Variants in ENTREP2 observed in about 807,000 individuals in gnomAD.
The protein encoded by ENTREP2 is endosomal transmembrane epsin interactor 2.
chr15:29,226,356 A>G, the ENTREP2 span, among the ~76,000 whole-genome samples: 2 of 152,340 alleles, frequency 1.3e-5, no homozygotes, highest in African/African-American at 2.4e-5. Context: ...CTCTTTATCT[A>G]TAATAATAGC....
At chr15:29,400,187 A>T in the ENTREP2 span, among the ~76,000 whole-genome samples, 1 of 152,196 alleles carries the variant, frequency 6.6e-6, no homozygotes, top group Non-Finnish European at 1.5e-5. Context: ...CAACGTTACA[A>T]TGATGGGCAG....
the ENTREP2 span, among the ~76,000 whole-genome samples, chr15:29,428,609 T>C: frequency 6.6e-6 from 1 of 152,168 alleles, no homozygotes; most frequent in Non-Finnish European, 1.5e-5. Flanking sequence ...AATACATTAT[T>C]AGGAAACAGA....
the ENTREP2 span, among the ~76,000 whole-genome samples, chr15:29,225,852 G>A: frequency 1.3e-5 from 2 of 152,138 alleles, no homozygotes; most frequent in Non-Finnish European, 1.5e-5. Context: ...TTTAGGCCTC[G>A]GCTTGCAGGC....
the ENTREP2 span, among the ~76,000 whole-genome samples, chr15:29,503,500 G>A: frequency 0.011 from 1,721 of 151,438 alleles, 30 homozygotes; most frequent in African/African-American, 0.04. Context: ...GAAATGTTCC[G>A]GAATTACGTC....
At chr15:29,201,194 CATAG>C in the ENTREP2 span, among the ~76,000 whole-genome samples, 3 of 152,292 alleles carry the variant, frequency 2.0e-5, no homozygotes, top group African/African-American at 7.2e-5. Flanking sequence ...GGATTTTCTA[CATAG>C]ATACTCATGT....
the ENTREP2 span, among the ~76,000 whole-genome samples, chr15:29,493,648 A>G: frequency 6.6e-6 from 1 of 151,248 alleles, no homozygotes; most frequent in Non-Finnish European, 1.5e-5. Flanking sequence ...ATAGAAATAA[A>G]CAGAATATAG....
the ENTREP2 span, among the ~76,000 whole-genome samples, chr15:29,340,828 G>A: frequency 2.0e-5 from 3 of 152,294 alleles, no homozygotes; most frequent in South Asian, 2.1e-4. Flanking sequence ...AGAAGCATCC[G>A]TGCCATTTCA....
At chr15:29,619,010 T>C in the ENTREP2 span, among the ~76,000 whole-genome samples, 3 of 152,222 alleles carry the variant, frequency 2.0e-5, no homozygotes. Flanking sequence ...ACACTCCCAG[T>C]GCAGAGCCAC....
At chr15:29,673,254 C>A in the ENTREP2 span, among the ~76,000 whole-genome samples, 1 of 152,156 alleles carries the variant, frequency 6.6e-6, no homozygotes, top group Non-Finnish European at 1.5e-5. Context: ...TTCTTTACCA[C>A]ATCCTGTTTT....
the ENTREP2 span, among the ~76,000 whole-genome samples, chr15:29,241,242 G>C: frequency 7.9e-5 from 12 of 152,096 alleles, no homozygotes; most frequent in Non-Finnish European, 1.5e-4. Flanking sequence ...TCTCAGCAGG[G>C]GTAAAGTACT....
At chr15:29,370,372 CAAAT>C in the ENTREP2 span, among the ~76,000 whole-genome samples, 1 of 151,840 alleles carries the variant, frequency 6.6e-6, no homozygotes, top group African/African-American at 2.4e-5. Flanking sequence ...TTACTAGAAA[CAAAT>C]AAGGACATTT....
chr15:29,516,395 A>G, the ENTREP2 span, among the ~76,000 whole-genome samples: 1 of 152,218 alleles, frequency 6.6e-6, no homozygotes, highest in Non-Finnish European at 1.5e-5. Flanking sequence ...ACATACCAAC[A>G]ATGGTAAATA....
At chr15:29,617,963 T>C in the ENTREP2 span, among the ~76,000 whole-genome samples, 1 of 152,206 alleles carries the variant, frequency 6.6e-6, no homozygotes, top group South Asian at 2.1e-4. Flanking sequence ...TGCTCTGGAC[T>C]CTCTAACTAG....
chr15:29,379,884 C>T, the ENTREP2 span, among the ~76,000 whole-genome samples: 1 of 152,096 alleles, frequency 6.6e-6, no homozygotes, highest in African/African-American at 2.4e-5. Context: ...GTTTAGAGAG[C>T]TTAATCTGTC....
the ENTREP2 span, chr15:29,136,244 G>C: frequency 7.3e-6 from 8 of 1,089,138 alleles, no homozygotes; most frequent in Admixed American, 1.0e-4. Flanking sequence ...GGGCGCTCAT[G>C]AGTGTTCACC....
chr15:29,479,719 CT>C, the ENTREP2 span, among the ~76,000 whole-genome samples: 2 of 150,800 alleles, frequency 1.3e-5, no homozygotes, highest in Non-Finnish European at 2.9e-5. Context: ...ATGCTGGGAC[CT>C]AGAATAAGCT....
the ENTREP2 span, chr15:29,136,337 C>T: frequency 3.4e-6 from 5 of 1,470,358 alleles, no homozygotes; most frequent in Non-Finnish European, 4.5e-6. Context: ...CCCACGGGAA[C>T]TGGCTTTGTC....
chr15:29,415,936 C>A, the ENTREP2 span, among the ~76,000 whole-genome samples: 6 of 152,264 alleles, frequency 3.9e-5, no homozygotes, highest in South Asian at 8.3e-4. Context: ...ATCCAACTTA[C>A]AAGGGATGTG....
chr15:29,527,120 A>G, the ENTREP2 span, among the ~76,000 whole-genome samples: 1 of 152,144 alleles, frequency 6.6e-6, no homozygotes, highest in Non-Finnish European at 1.5e-5. Context: ...GTGGCAGCTC[A>G]GCCTGCTCTC....
Sources: gnomAD v4.1 joint callset for allele counts (sites outside exome capture counted in the v4.1 genomes callset) on GRCh38, gnomAD v4.1.1 for gene constraint, MANE v1.5 for transcripts, NCBI Gene and HGNC (gene_info 2026-07-23, HGNC 2026-07-21) for gene names.